RPLP2: variants seen among roughly 807,000 people sequenced by gnomAD.
RPLP2 encodes ribosomal protein lateral stalk subunit P2.
Under a neutral mutation model 11.5 loss-of-function variants are expected in RPLP2, and 1 was observed. The ratio of observed to expected loss-of-function variants is 0.09; its 90% confidence interval spans 0.03 to 0.41. The LOEUF is 0.41. Ranked by LOEUF, RPLP2 falls within the 10% of genes least tolerant of loss-of-function variation. RPLP2 has a pLI of 0.98. For synonymous variants in RPLP2, 82 were observed against 55.9 expected (o/e 1.47, Z -2.08); for missense variants, 177 against 145.6 (o/e 1.22, Z -1.11).
intron 2 of RPLP2, among the ~76,000 whole-genome samples, chr11:811,116 G>A (rs1565079121): frequency 6.6e-6 from 1 of 152,012 alleles, no homozygotes; most frequent in Non-Finnish European, 1.5e-5. Flanking sequence ...GGTCAAGGCT[G>A]CACTGAGTAG....
chr11:811,940 G>A, intron 3 of RPLP2: 1 of 638,762 alleles, frequency 1.6e-6, no homozygotes. Context: ...TTGGTGTCTG[G>A]AGAACTGAGT....
At chr11:811,949 G>A (rs1225046259) in intron 3 of RPLP2, 1 of 608,676 alleles carries the variant, frequency 1.6e-6, no homozygotes, top group Non-Finnish European at 3.0e-6. Flanking sequence ...GGAGAACTGA[G>A]TTCACGTCAG....
intron 2 of RPLP2, 173 bp downstream of exon 2, chr11:810,530 ACG>A: frequency 1.8e-6 from 1 of 568,856 alleles, no homozygotes. Flanking sequence ...GCGGTGGCTC[ACG>A]CCTGTAGTCC....
chr11:811,299 A>G, intron 2 of RPLP2: 3 of 459,442 alleles, frequency 6.5e-6, no homozygotes, highest in Non-Finnish European at 1.2e-5. Flanking sequence ...GCCTGAAGTC[A>G]AAGTCAATTT....
chr11:812,351 A>G, intron 3 of RPLP2, 184 bp from the exon 4 acceptor site: 1 of 725,746 alleles, frequency 1.4e-6, no homozygotes, highest in Non-Finnish European at 2.3e-6. Flanking sequence ...AAAGGTGGGG[A>G]AGAGAAGTCC....
intron 2 of RPLP2, among the ~76,000 whole-genome samples, chr11:811,069 C>T (rs1393589911): frequency 6.6e-6 from 1 of 151,082 alleles, no homozygotes; most frequent in Non-Finnish European, 1.5e-5. Flanking sequence ...CTCAGCTACT[C>T]ATGAGGCTGA....
chr11:810,467 C>T, intron 2 of RPLP2, 110 bp downstream of exon 2: 1 of 1,124,618 alleles, frequency 8.9e-7, no homozygotes, highest in Non-Finnish European at 1.2e-6. Flanking sequence ...AGGCTCGTTT[C>T]AGTCTAGTTG....
In RPLP2 at chr11:809,998, C is replaced by T. The variant is rs887406071; in HGVS notation, c.-43C>T. ...CCTCCCTGTCGCCACCGAGGTCGCA[C>T]GCGTGAGACTTCTCCGCCGCCTCCG... On this transcript the variant is annotated 5_prime_UTR_variant, in exon 1 of 5. The change creates a new upstream start codon in the 5' untranslated region. Transcript: ENST00000321153. 5 of 432,076 alleles carry T rather than the reference C, an allele frequency of 1.2e-5. No homozygotes were observed. Among genetic ancestry groups the T allele is most frequent in the Middle Eastern group, 6.2e-4 (1 of 1,610 alleles). The allele number at this position is 432,076 out of a possible 1,614,324, so 26.8% of individuals were successfully genotyped here.
In RPLP2 at chr11:811,572, A is replaced by G. The variant is rs935348393; in HGVS notation, c.124-25A>G. 2.5e-6 allele frequency: 4 copies of G among 1,614,036 alleles called. No individual in the cohort carries two copies. In the Admixed American group the frequency reaches 5.0e-5, roughly 20 times the overall value. ...GGGATACAATCGTACATTCCTGGTA[A>G]CAGCCCTGTGATTGTCTGCTTCAGG... On this transcript the variant is annotated intron_variant, in intron 2 of 4. Transcript: ENST00000321153.
At chr11:810,459 G>A in intron 2 of RPLP2, 102 bp downstream of exon 2, 4 of 1,189,924 alleles carry the variant, frequency 3.4e-6, no homozygotes, top group Non-Finnish European at 4.7e-6. Flanking sequence ...TCGGGGAGAG[G>A]CTCGTTTCAG....
intron 2 of RPLP2, among the ~76,000 whole-genome samples, chr11:810,671 GTAGTCCCCC>G (rs953117286): frequency 1.3e-5 from 2 of 151,964 alleles, no homozygotes; most frequent in African/African-American, 2.4e-5. Flanking sequence ...GTGGGTGCCT[GTAGTCCCCC>G]TACTTGGGAG....
chr11:811,880 A>C, intron 3 of RPLP2: 2 of 747,586 alleles, frequency 2.7e-6, no homozygotes, highest in Non-Finnish European at 4.9e-6. Context: ...CTGCCTCTTA[A>C]GCCTGACTGC....
intron 2 of RPLP2, among the ~76,000 whole-genome samples, chr11:810,995 A>G (rs1252964275): frequency 8.4e-6 from 1 of 118,376 alleles, no homozygotes; most frequent in African/African-American, 3.3e-5. Context: ...ACATTGCAAG[A>G]CCCGGTCTCC....
chr11:811,555 A>G (rs113155683), intron 2 of RPLP2, 42 bp from the exon 3 acceptor site: 60 of 1,613,670 alleles, frequency 3.7e-5, no homozygotes, highest in African/African-American at 2.3e-4. Flanking sequence ...CGGGGATACA[A>G]TCGTACATTC....
intron 2 of RPLP2, among the ~76,000 whole-genome samples, chr11:810,965 G>C (rs1383980725): frequency 7.2e-6 from 1 of 138,024 alleles, no homozygotes; most frequent in Non-Finnish European, 1.5e-5. Flanking sequence ...GAGCCTTGAA[G>C]TTCGAGACTG....
At chr11:811,988 G>A (rs1334419718) in intron 3 of RPLP2, 1 of 485,326 alleles carries the variant, frequency 2.1e-6, no homozygotes, top group African/African-American at 1.9e-5. Context: ...TTCTGTGAGG[G>A]GGTTGGGGGC....
At position 812,583 on chromosome 11, in the gene RPLP2, C is replaced by T; in HGVS notation, c.221C>T (p.Ser74Phe). ...SVPAGGAVAV[S>F]AAPGSAAPAA... is the part of the protein sequence containing the mutation. ...CCTGCTGGTGGGGCTGTAGCCGTCT[C>T]TGCTGCCCCAGGCTCTGCAGCCCCT... The change falls in exon 4 of 5, where the codon TCT becomes TTT. Residue 74 changes from serine (S) to phenylalanine (F), a missense_variant. Physicochemically the swap from Ser to Phe is radical, Grantham distance 155. Coordinates refer to ENST00000321153, the MANE Select transcript of RPLP2 (RefSeq NM_001004.4). The T allele has an allele frequency of 1.9e-6, 3 of 1,609,640 alleles. No homozygotes were observed. The highest frequency in any genetic ancestry group is 2.5e-6 in the Non-Finnish European group (3 of 1,179,868).
In RPLP2 at chr11:812,805, A is replaced by C; in HGVS notation, c.317A>C (p.Asp106Ala). 1 of 1,613,740 alleles carries C rather than the reference A, an allele frequency of 6.2e-7. No individual in the cohort carries two copies. The highest frequency in any genetic ancestry group is 2.2e-5 in the East Asian group (1 of 44,892). ...AAGAAGGAGGAGTCTGAAGAGTCAG[A>C]TGATGACATGGGATTTGGCCTTTTT... Reference protein sequence around the residue: ...DEKKEESEESDDDMGFGLFD With the variant: ...DEKKEESEESADDMGFGLFD Residue 106 changes from aspartate to alanine, a missense_variant, in exon 5 of 5, where the codon GAT (aspartate) becomes GCT (alanine). Transcript: ENST00000321153.
rs370189970 is a variant in RPLP2, at chr11:812,594, G to T, written c.232G>T (p.Gly78Cys). ...GGCTGTAGCCGTCTCTGCTGCCCCA[G>T]GCTCTGCAGCCCCTGCTGCTGGTTC... ...GGAVAVSAAP[G>C]SAAPAAGSAP... Residue 78 changes from glycine to cysteine, a missense_variant, in exon 4 of 5, where the codon GGC becomes TGC. Physicochemically the swap from Gly to Cys is radical, Grantham distance 159 (BLOSUM62 -3). Transcript: ENST00000321153. 6.2e-7 allele frequency: 1 copy of T among 1,609,504 alleles called. No individual in the cohort carries two copies. Among genetic ancestry groups the T allele is most frequent in the Non-Finnish European group, 8.5e-7 (1 of 1,179,854 alleles).
Sources: allele counts gnomAD v4.1 joint callset (sites outside exome capture counted in the v4.1 genomes callset), GRCh38; gene constraint gnomAD v4.1.1; transcripts MANE v1.5; gene names NCBI Gene and HGNC (gene_info 2026-07-23, HGNC 2026-07-21).